CSMD2: variants seen among roughly 807,000 people sequenced by gnomAD.
CSMD2 encodes the protein CUB and Sushi multiple domains 2.
Under a neutral mutation model 398.5 loss-of-function variants are expected in CSMD2, and 130 were observed. That is an observed-to-expected ratio of 0.33 (90% confidence interval 0.28 to 0.38). CSMD2 has a LOEUF of 0.38. Ranked by LOEUF, CSMD2 falls within the 10% of genes least tolerant of loss-of-function variation. The probability of loss-of-function intolerance (pLI) is 1.00; values close to 1 mark genes in which losing one functional copy is unlikely to be tolerated. For synonymous variants in CSMD2, 1,828 were observed against 1,908.5 expected (o/e 0.96, Z 1.10); for missense variants, 3,829 against 4,764.9 (o/e 0.80, Z 5.78).
chr1:33,521,764 G>A (rs1312462993), intron 67 of CSMD2, among the ~76,000 whole-genome samples: 1 of 152,216 alleles, frequency 6.6e-6, no homozygotes, highest in Non-Finnish European at 1.5e-5. Flanking sequence ...GTAGGAGGAA[G>A]ATTTTATTTT....
chr1:33,820,703 G>A, intron 7 of CSMD2, 147 bp from the exon 8 acceptor site: 6 of 622,462 alleles, frequency 9.6e-6, no homozygotes, highest in South Asian at 2.0e-5. Flanking sequence ...TGTGTGGGGT[G>A]GCCGGAGTCT....
chr1:33,906,345 G>T lies in CSMD2; in HGVS notation c.920+11749C>A, dbSNP rs72663994. On this transcript the variant is annotated intron_variant, in intron 5 of 70. Coordinates refer to ENST00000373381, the MANE Select transcript of CSMD2 (RefSeq NM_001281956.2). ...GAAGATGATTGAAAGCTTTTGCCTG[G>T]GGCTTAGCATGTCAGATCTGCATTT... 6.1e-3 allele frequency among the ~76,000 whole-genome samples: 926 copies of T among 152,304 alleles called. 5 individuals are homozygous for T. Among genetic ancestry groups the T allele is most frequent in the Non-Finnish European group, 1.0e-2 (678 of 68,032 alleles).
chr1:33,742,072 G>A (rs1647087307), intron 14 of CSMD2, among the ~76,000 whole-genome samples: 1 of 152,226 alleles, frequency 6.6e-6, no homozygotes, highest in African/African-American at 2.4e-5. Context: ...GTCAGTGCTA[G>A]ACTAGGGTTA....
chr1:33,857,133 C>G (rs1639155302), intron 5 of CSMD2, among the ~76,000 whole-genome samples: 1 of 152,114 alleles, frequency 6.6e-6, no homozygotes, highest in African/African-American at 2.4e-5. Flanking sequence ...GGGCAAGTAA[C>G]TGACCTGCTT....
At position 34,011,328 on chromosome 1, in the gene CSMD2, C is replaced by T. The variant is rs372072827; in HGVS notation, c.517+21266G>A. 4.2e-4 allele frequency among the ~76,000 whole-genome samples: 64 copies of T among 152,094 alleles called. 1 individual carries two copies. The South Asian group carries it at 0.011, about 27-fold the overall frequency. On this transcript the variant is annotated intron_variant, in intron 3 of 70. Transcript: ENST00000373381. Reference sequence around the variant, plus strand: ...TATAAAGGTGGGTTGGGGTGGACTGCTATCAAAACTGACAAAAGTCCGGAA... The same window carrying T: ...TATAAAGGTGGGTTGGGGTGGACTGTTATCAAAACTGACAAAAGTCCGGAA...
chr1:33,675,101 C>T (rs1644656814), intron 25 of CSMD2, among the ~76,000 whole-genome samples: 1 of 152,110 alleles, frequency 6.6e-6, no homozygotes, highest in East Asian at 1.9e-4. Context: ...CAAGAAATAA[C>T]TAAGATCAGG....
rs575507496 is a variant in CSMD2 at position 33,746,710 on chromosome 1, C to G, written c.1847-3104G>C. On this transcript the variant is annotated intron_variant, in intron 13 of 70. Coordinates refer to ENST00000373381, the MANE Select transcript of CSMD2 (RefSeq NM_001281956.2). ...GAAATCTCATCTGATTCTGCTGAAT[C>G]CCTAGTGGCTCCCACAATGCCTGAC... is the stretch of plus-strand genomic sequence containing the variant. Among the ~76,000 whole-genome samples the G allele has an allele frequency of 5.3e-5, 8 of 152,308 alleles. No homozygotes were observed. In the East Asian group the frequency reaches 1.5e-3, roughly 29 times the overall value.
intron 1 of CSMD2, among the ~76,000 whole-genome samples, chr1:34,116,483 C>T (rs1661611188): frequency 6.6e-6 from 1 of 151,758 alleles, no homozygotes; most frequent in Non-Finnish European, 1.5e-5. Flanking sequence ...CAGAAGAGCA[C>T]CCAGATATAT....
intron 22 of CSMD2, among the ~76,000 whole-genome samples, chr1:33,706,826 G>A (rs1000906752): frequency 3.3e-5 from 5 of 150,378 alleles, no homozygotes; most frequent in African/African-American, 1.2e-4. Context: ...GTGCGTGCGT[G>A]TGTATGTGTG....
chr1:34,015,358 T>C (rs1371603182), intron 3 of CSMD2, among the ~76,000 whole-genome samples: 1 of 152,124 alleles, frequency 6.6e-6, no homozygotes, highest in African/African-American at 2.4e-5. Flanking sequence ...CCACAGTGAG[T>C]GGTAGATTAA....
In CSMD2 at chr1:34,084,178, A is replaced by G. The variant is rs927592066; in HGVS notation, c.404+4799T>C. ...AATGCTGTGCCGTGGCTGGGGACAC[A>G]TCTGATTCTTCTGCATCCTAAGGAC... On this transcript the variant is annotated intron_variant, in intron 2 of 70. Transcript: ENST00000373381. Among the ~76,000 whole-genome samples, 79 of 152,270 alleles carry G rather than the reference A, an allele frequency of 5.2e-4. No individual in the cohort carries two copies. The Middle Eastern group carries it at 0.01, about 20-fold the overall frequency.
chr1:34,140,293 C>CA lies in CSMD2; in HGVS notation c.187+24617dup, dbSNP rs6143187. Among the ~76,000 whole-genome samples the CA allele has an allele frequency of 3.6e-5, 5 of 138,714 alleles. 1 individual carries two copies. The highest frequency in any genetic ancestry group is 5.2e-5 in the African/African-American group (2 of 38,730). The allele number at this position is 138,714 out of a possible 152,430, so 91.0% of individuals were successfully genotyped here. On this transcript the variant is annotated intron_variant, in intron 1 of 70. Transcript: ENST00000373381. ...CTCCAGACAGAGGAATCGGCATATGCAAAAAAACAAACAAACAAACAAACA... is the reference window on the plus strand; with the variant it reads ...CTCCAGACAGAGGAATCGGCATATGCAAAAAAAACAAACAAACAAACAAACA...
chr1:34,049,120 C>T (rs1284989273), intron 2 of CSMD2, among the ~76,000 whole-genome samples: 4 of 152,154 alleles, frequency 2.6e-5, no homozygotes, highest in Non-Finnish European at 5.9e-5. Flanking sequence ...AACGTGATTA[C>T]CCAAGCCCAA....
At chr1:33,809,200 G>C (rs1656575477) in intron 10 of CSMD2, among the ~76,000 whole-genome samples, 1 of 151,890 alleles carries the variant, frequency 6.6e-6, no homozygotes, top group Non-Finnish European at 1.5e-5. Flanking sequence ...GCAATATATT[G>C]ACACAAAAAT....
Position 33,774,050 on chromosome 1 carries a change from C to T in CSMD2, c.1664-1299G>A, listed in dbSNP as rs144966892. Among the ~76,000 whole-genome samples the T allele has an allele frequency of 5.5e-4, 84 of 151,702 alleles. No individual in the cohort carries two copies. The Middle Eastern group carries it at 0.01, about 19-fold the overall frequency. On this transcript the variant is annotated intron_variant, in intron 12 of 70. Coordinates refer to ENST00000373381, the MANE Select transcript of CSMD2 (RefSeq NM_001281956.2). ...CTGTTGCATTCATGTTAACCCAAAA[C>T]GAAGGCTGCCAGCTTTGTGCTGAGA... is the stretch of plus-strand genomic sequence containing the variant.
intron 1 of CSMD2, among the ~76,000 whole-genome samples, chr1:34,113,414 C>T (rs1487805778): frequency 1.3e-5 from 2 of 152,216 alleles, no homozygotes; most frequent in East Asian, 3.9e-4. Flanking sequence ...AGCACATGTT[C>T]ATCCATAGCA....
intron 49 of CSMD2, among the ~76,000 whole-genome samples, chr1:33,573,658 A>T (rs1253688112): frequency 6.6e-6 from 1 of 152,228 alleles, no homozygotes; most frequent in Non-Finnish European, 1.5e-5. Flanking sequence ...AAATGACAGA[A>T]AACACGGATC....
chr1:33,575,546 G>A (rs994269671), intron 49 of CSMD2, among the ~76,000 whole-genome samples: 1 of 152,168 alleles, frequency 6.6e-6, no homozygotes, highest in Non-Finnish European at 1.5e-5. Context: ...AAGGGCATCA[G>A]TGGGAGGCAA....
At chr1:33,803,653 T>C (rs1655878508) in intron 10 of CSMD2, among the ~76,000 whole-genome samples, 1 of 152,196 alleles carries the variant, frequency 6.6e-6, no homozygotes, top group African/African-American at 2.4e-5. Flanking sequence ...AGTCCCACTC[T>C]ATCTCCTAAA....
Sources: gnomAD v4.1 joint callset for allele counts (sites outside exome capture counted in the v4.1 genomes callset) on GRCh38, gnomAD v4.1.1 for gene constraint, MANE v1.5 for transcripts, NCBI Gene and HGNC (gene_info 2026-07-23, HGNC 2026-07-21) for gene names.